The following SLC25A16 variants were observed in gnomAD, a reference collection of about 807,000 sequenced individuals.
SLC25A16 encodes solute carrier family 25 member 16.
SLC25A16 carries 39 observed loss-of-function variants against 41.5 expected under a neutral mutation model. The ratio of observed to expected loss-of-function variants is 0.94; its 90% CI spans 0.73 to 1.23. The LOEUF is 1.23. Ranked by LOEUF, SLC25A16 falls within the 50% of genes most tolerant of loss-of-function variation. The pLI is 0.00. For synonymous variants in SLC25A16, 146 were observed against 147.8 expected, an observed-to-expected ratio of 0.99 and a Z score of 0.09; for missense variants, 421 against 426.9, an observed-to-expected ratio of 0.99 and a Z score of 0.12.
chr10:68,489,767 G>A (rs1294574889), intron 6 of SLC25A16, among the ~76,000 whole-genome samples: 1 of 151,922 alleles, frequency 6.6e-6, no homozygotes, highest in African/African-American at 2.4e-5. Context: ...TGGGTGTGGT[G>A]GTGCGCGCCT....
chr10:68,511,916 GCA>G (rs1015564515), intron 2 of SLC25A16, among the ~76,000 whole-genome samples: 84 of 151,896 alleles, frequency 5.5e-4, no homozygotes, highest in Middle Eastern at 3.4e-3. Flanking sequence ...GAGTACAGTA[GCA>G]CAGTCTTGGC....
chr10:68,524,546 A>C (rs1476537576), intron 1 of SLC25A16, among the ~76,000 whole-genome samples: 1 of 150,796 alleles, frequency 6.6e-6, no homozygotes, highest in Admixed American at 6.7e-5. Flanking sequence ...CTCAAAAATA[A>C]ATAAATAAAT....
rs559331653 is a variant in SLC25A16, at chr10:68,503,831, C to G, written c.358-136G>C. 1.5e-5 allele frequency: 10 copies of G among 655,100 alleles called. No homozygotes were observed. In the African/African-American group the frequency reaches 1.6e-4, roughly 11 times the overall value. The allele number at this position is 655,100 out of a possible 1,614,324, so 40.6% of individuals were successfully genotyped here. A position where few individuals can be genotyped will look rare whatever the true frequency, so the allele number is the denominator to read the frequency against. On this transcript the variant is annotated intron_variant, in intron 3 of 8. Transcript: ENST00000609923. ...TAATAATAAATGTGAACGAAATGAGCACAATTAAATACAGCTTGGCAGTGT... is the reference window on the plus strand; with the variant it reads ...TAATAATAAATGTGAACGAAATGAGGACAATTAAATACAGCTTGGCAGTGT...
In SLC25A16 at chr10:68,527,491, C is replaced by A; in HGVS notation, c.-116G>T. The A allele has an allele frequency of 9.7e-7, 1 of 1,028,972 alleles. No homozygotes were observed. Among genetic ancestry groups the A allele is most frequent in the Non-Finnish European group, 1.3e-6 (1 of 751,086 alleles). The allele number at this position is 1,028,972 out of a possible 1,614,324, so 63.7% of individuals were successfully genotyped here. A position where few individuals can be genotyped will look rare whatever the true frequency, so the allele number is the denominator to read the frequency against. ...CCGCCCCGCCGGCGGGGCAAAGTAA[C>A]ACCCGGCGGCGCGGCGCCGGCTGAT... On this transcript the variant is annotated 5_prime_UTR_variant, in exon 1 of 9. Transcript: ENST00000609923.
Position 68,480,813 on chromosome 10 carries a change from A to T in SLC25A16, c.*2619T>A, listed in dbSNP as rs546097548. 31 of 150,070 alleles carry T rather than the reference A, an allele frequency of 2.1e-4. No individual in the cohort carries two copies. The highest frequency in any genetic ancestry group is 7.1e-4 in the African/African-American group (29 of 40,956). The allele number at this position is 150,070 out of a possible 1,614,324, so 9.3% of individuals were successfully genotyped here. A position where few individuals can be genotyped will look rare whatever the true frequency, so the allele number is the denominator to read the frequency against. ...GCCCGGCTCAATACTTATTTTATAT[A>T]CTTAAATTATCTTAACATTTAATAA... On this transcript the variant is annotated 3_prime_UTR_variant, in exon 9 of 9. Transcript: ENST00000609923.
chr10:68,480,364 A>G lies in SLC25A16; in HGVS notation c.*3068T>C, dbSNP rs1013354322. On this transcript the variant is annotated 3_prime_UTR_variant, in exon 9 of 9. Transcript: ENST00000609923. ...CTTCAATATGTAAACAGTTGAAAGA[A>G]AGAAATTGTCAAAACATGGATAAAA... is the stretch of plus-strand genomic sequence containing the variant. The G allele has an allele frequency of 5.9e-5, 9 of 152,168 alleles. No homozygotes were observed. The highest frequency in any genetic ancestry group is 2.2e-4 in the African/African-American group (9 of 41,440). 9.4% of individuals were successfully genotyped at this position (152,168 alleles called of 1,614,324 possible).
chr10:68,524,310 C>CAAAAAAAAAA (rs565308290), intron 1 of SLC25A16, among the ~76,000 whole-genome samples: 4 of 44,034 alleles, frequency 9.1e-5, no homozygotes, highest in African/African-American at 2.2e-4. Context: ...AACTCCATCT[C>CAAAAAAAAAA]AAAAAAAAAA....
intron 2 of SLC25A16, among the ~76,000 whole-genome samples, chr10:68,507,019 TAAC>T (rs1447359838): frequency 6.7e-6 from 1 of 149,922 alleles, no homozygotes; most frequent in African/African-American, 2.4e-5. Flanking sequence ...TAAAAAATAT[TAAC>T]AATAGAAATA....
At chr10:68,510,502 AT>A (rs1393094929) in intron 2 of SLC25A16, among the ~76,000 whole-genome samples, 1 of 152,060 alleles carries the variant, frequency 6.6e-6, no homozygotes, top group African/African-American at 2.4e-5. Flanking sequence ...AGATCGTGCC[AT>A]TGCACTCCAG....
chr10:68,517,161 C>G, intron 1 of SLC25A16: 1 of 1,024,236 alleles, frequency 9.8e-7, no homozygotes, highest in Admixed American at 5.7e-5. Flanking sequence ...CTGCCAGGTT[C>G]TGTTTGAAGT....
intron 8 of SLC25A16, among the ~76,000 whole-genome samples, chr10:68,486,610 G>C (rs2052567955): frequency 6.6e-6 from 1 of 151,702 alleles, no homozygotes; most frequent in African/African-American, 2.4e-5. Context: ...CTGACCTCAG[G>C]TGATACGCCC....
chr10:68,489,336 G>T (rs922012325), intron 6 of SLC25A16, among the ~76,000 whole-genome samples: 2 of 152,120 alleles, frequency 1.3e-5, no homozygotes, highest in Admixed American at 1.3e-4. Flanking sequence ...CAAAAATTAA[G>T]AAGTGAAAAA....
At chr10:68,490,695 A>T (rs2052642040) in intron 6 of SLC25A16, among the ~76,000 whole-genome samples, 1 of 151,990 alleles carries the variant, frequency 6.6e-6, no homozygotes, top group Non-Finnish European at 1.5e-5. Flanking sequence ...GGGGAAAAAA[A>T]AAAACTTCCT....
chr10:68,510,510 C>T (rs2053043205), intron 2 of SLC25A16, among the ~76,000 whole-genome samples: 1 of 151,772 alleles, frequency 6.6e-6, no homozygotes, highest in South Asian at 2.1e-4. Context: ...CCATTGCACT[C>T]CAGCCTGGGT....
At chr10:68,497,597 T>C (rs2052770089) in intron 4 of SLC25A16, among the ~76,000 whole-genome samples, 1 of 150,744 alleles carries the variant, frequency 6.6e-6, no homozygotes, top group South Asian at 2.1e-4. Flanking sequence ...TCTTCTTACT[T>C]CTAACATCTT....
Position 68,503,618 on chromosome 10 carries a change from C to G in SLC25A16, c.421+14G>C. On this transcript the variant is annotated intron_variant, in intron 4 of 8. Coordinates refer to ENST00000609923, the MANE Select transcript of SLC25A16 (RefSeq NM_152707.4). ...TTAATTTGTCAGAAATAAAATATAC[C>G]TAACTCCTCTTACCTGCCATGGATC... The G allele has an allele frequency of 6.5e-7, 1 of 1,527,714 alleles. No individual in the cohort carries two copies. Among genetic ancestry groups the G allele is most frequent in the Non-Finnish European group, 9.0e-7 (1 of 1,112,376 alleles). 94.6% of individuals were successfully genotyped at this position (1,527,714 alleles called of 1,614,324 possible).
chr10:68,487,317 C>A, intron 7 of SLC25A16, 105 bp from the exon 8 acceptor site: 1 of 793,346 alleles, frequency 1.3e-6, no homozygotes, highest in Non-Finnish European at 2.1e-6. Flanking sequence ...TGTTACTGCT[C>A]TTATTGTTCT....
chr10:68,516,654 C>T, intron 2 of SLC25A16, 97 bp downstream of exon 2: 1 of 772,484 alleles, frequency 1.3e-6, no homozygotes, highest in Non-Finnish European at 2.0e-6. Flanking sequence ...AGAGGAACCT[C>T]TACTTTACTT....
In SLC25A16 at chr10:68,504,403, T is replaced by C. The variant is rs933594201; in HGVS notation, c.358-708A>G. 6.6e-5 allele frequency among the ~76,000 whole-genome samples: 10 copies of C among 151,634 alleles called. No individual in the cohort carries two copies. In the East Asian group the frequency reaches 1.7e-3, roughly 26 times the overall value. ...ATCAATTCTCTTTGGCTGACTAGCT[T>C]AGAATGTTGTTCCGATCTCTGCTGC... is the stretch of plus-strand genomic sequence containing the variant. On this transcript the variant is annotated intron_variant, in intron 3 of 8. Transcript: ENST00000609923.
Sources: gnomAD v4.1 joint callset for allele counts (sites outside exome capture counted in the v4.1 genomes callset) on GRCh38, gnomAD v4.1.1 for gene constraint, MANE v1.5 for transcripts, NCBI Gene and HGNC (gene_info 2026-07-23, HGNC 2026-07-21) for gene names.